Variants in TNIP3 observed in about 807,000 individuals in gnomAD.
TNIP3 encodes TNFAIP3-interacting protein 3.
TNIP3 carries 34 observed loss-of-function variants against 54.1 expected under a neutral mutation model. That is an observed-to-expected ratio of 0.63 (90% CI 0.48 to 0.84). TNIP3 has a LOEUF of 0.84. TNIP3 is among the 40% of genes least tolerant of loss of function. The pLI is 0.00. For missense variants in TNIP3, 366 were observed against 387.6 expected (o/e 0.94, Z 0.47); for synonymous variants, 134 against 136.8 (o/e 0.98, Z 0.14).
At chr4:121,144,698 G>A (rs538549603) in intron 7 of TNIP3, among the ~76,000 whole-genome samples, 12 of 152,296 alleles carry the variant, frequency 7.9e-5, no homozygotes, top group East Asian at 3.9e-4. Flanking sequence ...CACCGCACCC[G>A]GCCTGTTTTT....
At chr4:121,134,774 T>C (rs1579358154) in intron 10 of TNIP3, among the ~76,000 whole-genome samples, 1 of 152,124 alleles carries the variant, frequency 6.6e-6, no homozygotes, top group Non-Finnish European at 1.5e-5. Context: ...TTCACTGATG[T>C]CCCCATCTTA....
intron 1 of TNIP3, among the ~76,000 whole-genome samples, chr4:121,225,238 T>C (rs996097357): frequency 6.6e-6 from 1 of 152,196 alleles, no homozygotes; most frequent in Non-Finnish European, 1.5e-5. Flanking sequence ...TCATCCAAGG[T>C]TTTTTACATA....
intron 9 of TNIP3, 59 bp downstream of exon 9, chr4:121,141,757 G>A: frequency 8.9e-7 from 1 of 1,126,284 alleles, no homozygotes; most frequent in Non-Finnish European, 1.2e-6. Flanking sequence ...TTCCAGAGAT[G>A]CACATAATTT....
chr4:121,208,489 G>A (rs1396996941), intron 2 of TNIP3, among the ~76,000 whole-genome samples: 1 of 152,106 alleles, frequency 6.6e-6, no homozygotes, highest in Non-Finnish European at 1.5e-5. Flanking sequence ...TAACCAATCA[G>A]CACTACCCAT....
chr4:121,212,824 G>A (rs1726548028), intron 2 of TNIP3, among the ~76,000 whole-genome samples: 1 of 152,162 alleles, frequency 6.6e-6, no homozygotes, highest in Non-Finnish European at 1.5e-5. Flanking sequence ...AGTCAGGTAA[G>A]AAGGGGGTTA....
intron 7 of TNIP3, among the ~76,000 whole-genome samples, chr4:121,145,540 G>C (rs1274396653): frequency 2.0e-5 from 3 of 151,362 alleles, no homozygotes; most frequent in Non-Finnish European, 4.4e-5. Flanking sequence ...TAAAAGTTCT[G>C]TAATGGCAAG....
intron 5 of TNIP3, among the ~76,000 whole-genome samples, chr4:121,152,802 AT>A (rs1233962184): frequency 6.6e-6 from 1 of 152,156 alleles, no homozygotes; most frequent in Non-Finnish European, 1.5e-5. Context: ...TTTTCTTCTA[AT>A]TTTAAGAGAA....
At chr4:121,145,812 T>C (rs1729393344) in intron 7 of TNIP3, among the ~76,000 whole-genome samples, 1 of 150,778 alleles carries the variant, frequency 6.6e-6, no homozygotes, top group Non-Finnish European at 1.5e-5. Context: ...GAAATTAGAG[T>C]AGTTGGGCAT....
chr4:121,145,108 G>A (rs901212749), intron 7 of TNIP3, among the ~76,000 whole-genome samples: 5 of 152,138 alleles, frequency 3.3e-5, no homozygotes, highest in Admixed American at 3.3e-4. Flanking sequence ...ATGCCAGAAT[G>A]ATTTGACCTA....
At chr4:121,147,289 A>G in intron 6 of TNIP3, 115 bp from the exon 7 acceptor site, 1 of 1,264,066 alleles carries the variant, frequency 7.9e-7, no homozygotes, top group Non-Finnish European at 1.1e-6. Context: ...CCTCCCAACT[A>G]GTGTTCAGTG....
In TNIP3 at chr4:121,206,130, T is replaced by C. The variant is rs1726177290; in HGVS notation, c.68+10285A>G. ...CACCTGGGAATTATGGGAACTACAA[T>C]TCAAGATGAGATTTGGGTAGAGACA... On this transcript the variant is annotated intron_variant, in intron 2 of 12. Coordinates refer to the TNIP3 transcript ENST00000507879. 2.0e-5 allele frequency among the ~76,000 whole-genome samples: 3 copies of C among 152,096 alleles called. No homozygotes were observed. The South Asian group carries it at 6.2e-4, about 32-fold the overall frequency.
chr4:121,142,164 T>C (rs905008238), intron 8 of TNIP3, among the ~76,000 whole-genome samples: 6 of 152,184 alleles, frequency 3.9e-5, no homozygotes, highest in Non-Finnish European at 8.8e-5. Context: ...TTGAAAAGTA[T>C]ATAGAGTTAA....
At chr4:121,197,858 A>G (rs1216116934) in intron 2 of TNIP3, among the ~76,000 whole-genome samples, 1 of 152,184 alleles carries the variant, frequency 6.6e-6, no homozygotes, top group Non-Finnish European at 1.5e-5. Flanking sequence ...TCAGTGAGCA[A>G]TGGAATGTCA....
chr4:121,142,005 C>G, intron 8 of TNIP3, 91 bp from the exon 9 acceptor site: 2 of 752,412 alleles, frequency 2.7e-6, no homozygotes, highest in Non-Finnish European at 4.0e-6. Context: ...TGGTTTCAAT[C>G]TTAAGGTTCC....
At chr4:121,196,149 G>C (rs1286291302) in intron 2 of TNIP3, among the ~76,000 whole-genome samples, 1 of 152,146 alleles carries the variant, frequency 6.6e-6, no homozygotes, top group African/African-American at 2.4e-5. Context: ...TTTGCTCACG[G>C]TGAGCTCTTA....
Position 121,224,791 on chromosome 4 carries a change from G to A in TNIP3, c.3+2594C>T, listed in dbSNP as rs115585826. On this transcript the variant is annotated intron_variant, in intron 1 of 12. Transcript: ENST00000509841. The stretch of plus-strand genomic sequence containing the variant: ...AATATCTATAATTGTTTTGCCTTTC[G>A]TAATTTAAAAAATGTGAACTATCTT... Among the ~76,000 whole-genome samples, 1,110 of 151,508 alleles carry A rather than the reference G, an allele frequency of 7.3e-3. 12 individuals are homozygous for A. The highest frequency in any genetic ancestry group is 0.026 in the African/African-American group (1,067 of 41,278).
rs747839721 is a variant in TNIP3 at position 121,154,532 on chromosome 4, T to G, written c.492+19A>C. On this transcript the variant is annotated intron_variant, in intron 5 of 10. Coordinates refer to ENST00000057513, the MANE Select transcript of TNIP3 (RefSeq NM_024873.6). ...AGGGACTTCTCATTTTAATCTCCCA[T>G]GCTTGACCTGACTGATACCTTATTG... 9.9e-6 allele frequency: 16 copies of G among 1,612,746 alleles called. No homozygotes were observed. In the Admixed American group the frequency reaches 1.7e-4, roughly 17 times the overall value.
At chr4:121,160,899 C>G (rs1199722550) in intron 2 of TNIP3, among the ~76,000 whole-genome samples, 1 of 152,104 alleles carries the variant, frequency 6.6e-6, no homozygotes, top group African/African-American at 2.4e-5. Context: ...GATTATATTA[C>G]CAGACTTATG....
chr4:121,132,253 T>A lies in TNIP3; in HGVS notation c.*378A>T. 5.3e-6 allele frequency: 1 copy of A among 187,568 alleles called. No homozygotes were observed. Among genetic ancestry groups the A allele is most frequent in the Non-Finnish European group, 1.1e-5 (1 of 94,318 alleles). 11.6% of individuals were successfully genotyped at this position (187,568 alleles called of 1,614,324 possible). ...ACACACACACACACACACACACACA[T>A]ATGCACTTTAAATCAACATACAATA... On this transcript the variant is annotated 3_prime_UTR_variant, in exon 11 of 11. Coordinates refer to ENST00000057513, the MANE Select transcript of TNIP3 (RefSeq NM_024873.6).
Sources: allele counts gnomAD v4.1 joint callset (sites outside exome capture counted in the v4.1 genomes callset), GRCh38; gene constraint gnomAD v4.1.1; transcripts MANE v1.5; gene names NCBI Gene and HGNC (gene_info 2026-07-23, HGNC 2026-07-21).